INTS9: variants seen among roughly 807,000 people sequenced by gnomAD.
INTS9 encodes protein related to CPSF subunits of 74 kDa.
In INTS9, 55 loss-of-function variants were observed where a neutral mutation model predicts 79.7. The observed-to-expected ratio is 0.69, with a 90% CI of 0.56 to 0.86. The LOEUF (loss-of-function observed/expected upper bound fraction) is 0.86, where lower values mean the gene tolerates loss of function less well. INTS9 is among the 40% of genes least tolerant of loss of function. The pLI, the probability that INTS9 is intolerant of heterozygous loss-of-function variation, is 0.00. For synonymous variants in INTS9, 319 were observed against 325.2 expected, an observed-to-expected ratio of 0.98 and a Z score of 0.20; for missense variants, 721 against 831.5, an observed-to-expected ratio of 0.87 and a Z score of 1.64.
intron 3 of INTS9, 132 bp from the exon 4 acceptor site, chr8:28,846,941 T>A (rs937831537): frequency 4.5e-5 from 32 of 704,016 alleles, no homozygotes; most frequent in Non-Finnish European, 6.7e-5. Context: ...GCTGGGAGGT[T>A]ATTAGGCCGA....
At chr8:28,781,025 G>A in intron 11 of INTS9, 31 bp from the exon 12 acceptor site, 1 of 1,584,062 alleles carries the variant, frequency 6.3e-7, no homozygotes, top group Non-Finnish European at 8.6e-7. Context: ...ACAAAGAAAT[G>A]TGAGCCTGCC....
At chr8:28,790,412 A>G (rs1200157023) in intron 10 of INTS9, among the ~76,000 whole-genome samples, 2 of 152,160 alleles carry the variant, frequency 1.3e-5, no homozygotes, top group Non-Finnish European at 2.9e-5. Flanking sequence ...AAACACAGAG[A>G]AATCCCCCAG....
chr8:28,804,461 C>A (rs1804691849), intron 8 of INTS9, among the ~76,000 whole-genome samples: 2 of 151,756 alleles, frequency 1.3e-5, no homozygotes, highest in African/African-American at 4.8e-5. Flanking sequence ...AGGTTCAATA[C>A]CCCCCGCCCC....
At chr8:28,853,762 C>A (rs149947562) in intron 2 of INTS9, among the ~76,000 whole-genome samples, 30 of 151,722 alleles carry the variant, frequency 2.0e-4, no homozygotes, top group Non-Finnish European at 8.8e-5. Context: ...GAACATTATA[C>A]GTAATTTCTT....
chr8:28,858,422 G>A, intron 2 of INTS9, among the ~76,000 whole-genome samples: 1 of 152,120 alleles, frequency 6.6e-6, no homozygotes, highest in Non-Finnish European at 1.5e-5. Flanking sequence ...ATAATATCAG[G>A]CCATTTTATT....
chr8:28,846,477 C>T (rs1807521175), intron 4 of INTS9, among the ~76,000 whole-genome samples: 1 of 152,262 alleles, frequency 6.6e-6, no homozygotes, highest in South Asian at 2.1e-4. Context: ...TAGTTCCTTA[C>T]CTTGCTCAAA....
chr8:28,839,542 C>A (rs1225257489), intron 4 of INTS9, among the ~76,000 whole-genome samples: 9 of 152,214 alleles, frequency 5.9e-5, no homozygotes, highest in Non-Finnish European at 1.2e-4. Flanking sequence ...TTCAAACTAT[C>A]CTACAAGGCT....
At chr8:28,861,840 G>A (rs190667121) in intron 1 of INTS9, among the ~76,000 whole-genome samples, 13 of 152,368 alleles carry the variant, frequency 8.5e-5, no homozygotes, top group African/African-American at 2.4e-4. Context: ...GAATGCTAAC[G>A]GCTACCACCG....
At chr8:28,789,385 C>G (rs142900766) in intron 10 of INTS9, among the ~76,000 whole-genome samples, 2 of 152,302 alleles carry the variant, frequency 1.3e-5, no homozygotes, top group East Asian at 1.9e-4. Flanking sequence ...GGACCCACCC[C>G]CTTTCTAAGA....
chr8:28,888,932 T>G (rs529212986), intron 1 of INTS9, among the ~76,000 whole-genome samples: 1 of 151,548 alleles, frequency 6.6e-6, no homozygotes, highest in Admixed American at 6.6e-5. Context: ...TGAGACAGAG[T>G]CTCGCGCTGT....
chr8:28,848,391 G>C (rs543142800), intron 3 of INTS9, among the ~76,000 whole-genome samples: 1 of 152,132 alleles, frequency 6.6e-6, no homozygotes, highest in Admixed American at 6.5e-5. Flanking sequence ...CATAGTACTG[G>C]TCCTTTTGAA....
At chr8:28,782,630 A>G (rs2130903540) in intron 11 of INTS9, among the ~76,000 whole-genome samples, 1 of 152,362 alleles carries the variant, frequency 6.6e-6, no homozygotes, top group Non-Finnish European at 1.5e-5. Context: ...TATATTAAGA[A>G]ATGGGCTAGG....
At chr8:28,833,901 T>C (rs1342363443) in intron 6 of INTS9, among the ~76,000 whole-genome samples, 1 of 152,142 alleles carries the variant, frequency 6.6e-6, no homozygotes, top group African/African-American at 2.4e-5. Context: ...ACTTCATCTC[T>C]TTCAGCCTGG....
rs75013640 is a variant in INTS9 at position 28,809,265 on chromosome 8, G to A, written c.744+3062C>T. The stretch of plus-strand genomic sequence containing the variant: ...TGAGCCACCTTGTCCAGCCTACGGT[G>A]TATATTCAGCCATAAACATTCCATA... On this transcript the variant is annotated intron_variant, in intron 8 of 16. Transcript: ENST00000521022. Among the ~76,000 whole-genome samples, 1,356 of 152,216 alleles carry A rather than the reference G, an allele frequency of 8.9e-3. 20 individuals carry two copies. Among genetic ancestry groups the A allele is most frequent in the African/African-American group, 0.03 (1,228 of 41,520 alleles).
intron 1 of INTS9, among the ~76,000 whole-genome samples, chr8:28,887,896 A>C (rs1372306384): frequency 6.6e-6 from 1 of 152,234 alleles, no homozygotes; most frequent in African/African-American, 2.4e-5. Context: ...TTTCTAAATA[A>C]ATTAAGCAGG....
intron 1 of INTS9, among the ~76,000 whole-genome samples, chr8:28,868,268 A>G (rs1808873370): frequency 6.6e-6 from 1 of 152,162 alleles, no homozygotes; most frequent in Non-Finnish European, 1.5e-5. Flanking sequence ...CATAAGCAGT[A>G]ATTTTCTTTT....
At chr8:28,871,713 G>C (rs1385363215) in intron 1 of INTS9, among the ~76,000 whole-genome samples, 1 of 152,108 alleles carries the variant, frequency 6.6e-6, no homozygotes, top group Non-Finnish European at 1.5e-5. Context: ...ACCTAGGAAA[G>C]AACTTTTAAG....
In INTS9 at chr8:28,862,105, G is replaced by A. The variant is rs182003489; in HGVS notation, c.10-2542C>T. The stretch of plus-strand genomic sequence containing the variant: ...TGAGGTTCACACACTTGTACAGGAG[G>A]CGCTTGCAAAGGGCCCAGACCCTGT... On this transcript the variant is annotated intron_variant, in intron 1 of 16. Coordinates refer to ENST00000521022, the MANE Select transcript of INTS9 (RefSeq NM_018250.4). 6 of 985,466 alleles carry A rather than the reference G, an allele frequency of 6.1e-6. No homozygotes were observed. In the East Asian group the frequency reaches 5.7e-4, roughly 93 times the overall value. 61.0% of individuals were successfully genotyped at this position (985,466 alleles called of 1,614,324 possible). A position where few individuals can be genotyped will look rare whatever the true frequency, so the allele number is the denominator to read the frequency against.
intron 4 of INTS9, among the ~76,000 whole-genome samples, chr8:28,842,796 T>C (rs1807265149): frequency 6.6e-6 from 1 of 152,232 alleles, no homozygotes; most frequent in Non-Finnish European, 1.5e-5. Flanking sequence ...TCAGGCTTCA[T>C]GGCTCTTTCT....
Sources: gnomAD v4.1 joint callset for allele counts (sites outside exome capture counted in the v4.1 genomes callset) on GRCh38, gnomAD v4.1.1 for gene constraint, MANE v1.5 for transcripts, NCBI Gene and HGNC (gene_info 2026-07-23, HGNC 2026-07-21) for gene names.